HSPH1: variants seen among roughly 807,000 people sequenced by gnomAD.
The protein encoded by HSPH1 is heat shock protein 105 kDa.
In HSPH1, 40 loss-of-function variants were observed where a neutral mutation model predicts 100.0. That is an observed-to-expected ratio of 0.40 (90% CI 0.31 to 0.52). The LOEUF is 0.52. Ranked by LOEUF, HSPH1 falls within the 20% of genes least tolerant of loss-of-function variation. HSPH1 has a pLI of 0.54. For missense variants in HSPH1, 876 were observed against 1,015.1 expected (o/e 0.86, Z 1.86); for synonymous variants, 403 against 344.0 (o/e 1.17, Z -1.90).
intron 1 of HSPH1, among the ~76,000 whole-genome samples, 196 bp from the exon 2 acceptor site, chr13:31,159,059 G>A (rs1172941003): frequency 2.0e-5 from 3 of 152,160 alleles, no homozygotes; most frequent in African/African-American, 7.2e-5. Flanking sequence ...TCCAACCTAG[G>A]TGGCAGTTCT....
At chr13:31,138,609 A>C (rs556436070) in intron 16 of HSPH1, 41 bp from the exon 17 acceptor site, 1 of 1,570,474 alleles carries the variant, frequency 6.4e-7, no homozygotes, top group Non-Finnish European at 8.6e-7. Flanking sequence ...AATTTATTGA[A>C]CAATAGTATC....
At position 31,161,689 on chromosome 13, in the gene HSPH1, C is replaced by T. The variant is rs748547434; in HGVS notation, c.-107G>A. The T allele has an allele frequency of 6.5e-7, 1 of 1,548,308 alleles. No homozygotes were observed. The highest frequency in any genetic ancestry group is 1.4e-5 in the African/African-American group (1 of 73,486). ...TGCCCTGGCCGCGTTCTGCTCCGGCCCGCGGGGTCTGGCCGTTCCTCTGAC... is the reference window on the plus strand; with the variant it reads ...TGCCCTGGCCGCGTTCTGCTCCGGCTCGCGGGGTCTGGCCGTTCCTCTGAC... On this transcript the variant is annotated 5_prime_UTR_variant, in exon 1 of 18. Transcript: ENST00000320027.
rs1461857691 is a variant in HSPH1 at position 31,140,217 on chromosome 13, C to G, written c.1947G>C (p.Leu649=). 1 of 1,611,966 alleles carries G rather than the reference C, an allele frequency of 6.2e-7. No individual in the cohort carries two copies. Among genetic ancestry groups the G allele is most frequent in the East Asian group, 2.2e-5 (1 of 44,788 alleles). The change falls in exon 14 of 18, where the codon CTG becomes CTC. Residue 649 remains leucine (L), a synonymous_variant. Coordinates refer to ENST00000320027, the MANE Select transcript of HSPH1 (RefSeq NM_006644.4). ...EEYVYEFRDK[L]CGPYEKFICE... ...ATATAAATTTTTCATATGGTCCACA[C>G]AGCTTGTCTCTGAACTCATACACAT...
intron 2 of HSPH1, among the ~76,000 whole-genome samples, chr13:31,157,429 A>G (rs1956738642): frequency 6.6e-6 from 1 of 152,332 alleles, no homozygotes; most frequent in African/African-American, 2.4e-5. Context: ...CAACCTACAT[A>G]TTCAAAGGAT....
intron 14 of HSPH1, 73 bp downstream of exon 14, chr13:31,140,111 C>A: frequency 1.5e-6 from 2 of 1,376,232 alleles, no homozygotes; most frequent in Non-Finnish European, 2.0e-6. Context: ...AAAGCTTAAG[C>A]CTCAACTGTC....
At position 31,136,290 on chromosome 13, in the gene HSPH1, G is replaced by C. The variant is rs956807011; in HGVS notation, c.*1028C>G. ...TGTATTTACTAATTTCCCTGGCACA[G>C]AGTTTTTAAAAACAGCCTACAGCAC... On this transcript the variant is annotated 3_prime_UTR_variant, in exon 18 of 18. Transcript: ENST00000320027. 6.6e-6 allele frequency: 1 copy of C among 152,126 alleles called. No homozygotes were observed. Among genetic ancestry groups the C allele is most frequent in the Non-Finnish European group, 1.5e-5 (1 of 68,032 alleles). The allele number at this position is 152,126 out of a possible 1,614,324, so 9.4% of individuals were successfully genotyped here.
chr13:31,147,789 T>A (rs1200655719), intron 10 of HSPH1, among the ~76,000 whole-genome samples, 170 bp downstream of exon 10: 1 of 152,056 alleles, frequency 6.6e-6, no homozygotes, highest in African/African-American at 2.4e-5. Context: ...GACTCCTCAA[T>A]AAAATGAAGA....
chr13:31,151,240 G>C (rs1956477091), intron 6 of HSPH1, 49 bp from the exon 7 acceptor site: 12 of 1,436,096 alleles, frequency 8.4e-6, no homozygotes, highest in Non-Finnish European at 1.1e-5. Flanking sequence ...AATCACATTT[G>C]TAACTAGAAT....
Position 31,151,686 on chromosome 13 carries a change from G to A in HSPH1, c.586C>T (p.Arg196Trp), listed in dbSNP as rs1410302893. ...CCCATATCAACAAAAACCACTATCC[G>A]AGGTTTCTCATCCAGGCTTGGGAGA... ...QDLPSLDEKP[R>W]IVVFVDMGHS... The change falls in exon 6 of 18, where the codon CGG (arginine) becomes TGG (tryptophan). Residue 196 changes from arginine to tryptophan, a missense_variant. Arg to Trp is a moderately radical substitution (Grantham distance 101). Coordinates refer to ENST00000320027, the MANE Select transcript of HSPH1 (RefSeq NM_006644.4). The A allele has an allele frequency of 1.1e-5, 18 of 1,612,518 alleles. No homozygotes were observed. The highest frequency in any genetic ancestry group is 1.0e-4 in the Admixed American group (6 of 59,772).
chr13:31,135,357 T>C lies in HSPH1; in HGVS notation c.*1961A>G, dbSNP rs1355314326. The C allele has an allele frequency of 6.6e-6, 1 of 152,222 alleles. No homozygotes were observed. Among genetic ancestry groups the C allele is most frequent in the African/African-American group, 2.4e-5 (1 of 41,460 alleles). 9.4% of individuals were successfully genotyped at this position (152,222 alleles called of 1,614,324 possible). ...ACAAACCTATCTTCACTTCTCAATGTGTAAATGTGTATCTACTAAGTATAC... is the reference window on the plus strand; with the variant it reads ...ACAAACCTATCTTCACTTCTCAATGCGTAAATGTGTATCTACTAAGTATAC... On this transcript the variant is annotated 3_prime_UTR_variant, in exon 18 of 18. Transcript: ENST00000320027.
At chr13:31,139,463 G>A (rs1012034389) in intron 14 of HSPH1, among the ~76,000 whole-genome samples, 3 of 151,932 alleles carry the variant, frequency 2.0e-5, no homozygotes, top group African/African-American at 7.3e-5. Context: ...TTCCTAACCG[G>A]TTCATGTATG....
Position 31,155,783 on chromosome 13 carries a change from C to T in HSPH1, c.166-129G>A, listed in dbSNP as rs976512700. ...TGAGTGCACATAAGTTGCCCTGAGG[C>T]CCACCAATTTCACTGAATTTCCCAT... On this transcript the variant is annotated intron_variant, in intron 2 of 17. Transcript: ENST00000320027. 27 of 578,282 alleles carry T rather than the reference C, an allele frequency of 4.7e-5. No individual in the cohort carries two copies. In the African/African-American group the frequency reaches 5.2e-4, roughly 11 times the overall value. 35.8% of individuals were successfully genotyped at this position (578,282 alleles called of 1,614,324 possible). A position where few individuals can be genotyped will look rare whatever the true frequency, so the allele number is the denominator to read the frequency against.
intron 13 of HSPH1, chr13:31,140,862 G>A: frequency 3.4e-6 from 1 of 297,348 alleles, no homozygotes; most frequent in Non-Finnish European, 6.1e-6. Flanking sequence ...AATTCCAACT[G>A]TACTGTGCTC....
chr13:31,144,197 C>A (rs1352234709), intron 11 of HSPH1, among the ~76,000 whole-genome samples: 1 of 152,114 alleles, frequency 6.6e-6, no homozygotes, highest in African/African-American at 2.4e-5. Context: ...GAATCAAGAA[C>A]TCTCCCTTAG....
At chr13:31,141,801 T>TACACACACAC (rs58627057) in intron 12 of HSPH1, among the ~76,000 whole-genome samples, 1 of 91,570 alleles carries the variant, frequency 1.1e-5, no homozygotes, top group African/African-American at 3.9e-5. Context: ...TACACATACA[T>TACACACACAC]ACACACACAC....
chr13:31,143,699 T>G, intron 12 of HSPH1, 93 bp downstream of exon 12: 1 of 1,096,096 alleles, frequency 9.1e-7, no homozygotes, highest in South Asian at 2.7e-5. Context: ...CGAAATCAAT[T>G]GGTGCTTGCT....
At chr13:31,142,312 T>G (rs148389166) in intron 12 of HSPH1, among the ~76,000 whole-genome samples, 209 of 152,210 alleles carry the variant, frequency 1.4e-3, no homozygotes, top group African/African-American at 4.7e-3. Flanking sequence ...GATCCCACGT[T>G]CCAGAGACTG....
chr13:31,138,340 G>T, intron 17 of HSPH1, 67 bp downstream of exon 17: 1 of 1,446,846 alleles, frequency 6.9e-7, no homozygotes, highest in Non-Finnish European at 9.5e-7. Flanking sequence ...CTATGTTGAA[G>T]GTTCAAATGA....
At chr13:31,153,529 G>A (rs1956562902) in intron 4 of HSPH1, among the ~76,000 whole-genome samples, 1 of 152,080 alleles carries the variant, frequency 6.6e-6, no homozygotes, top group African/African-American at 2.4e-5. Context: ...ACAACCCAAG[G>A]GCTGAGGTTT....
Sources: allele counts gnomAD v4.1 joint callset (sites outside exome capture counted in the v4.1 genomes callset), GRCh38; gene constraint gnomAD v4.1.1; transcripts MANE v1.5; gene names NCBI Gene and HGNC (gene_info 2026-07-23, HGNC 2026-07-21).